The following MOCOS variants were observed in gnomAD, a reference collection of about 807,000 sequenced individuals.
MOCOS encodes human molybdenum cofactor sulfurase.
MOCOS carries 86 observed loss-of-function variants against 83.6 expected under a neutral mutation model. The observed-to-expected ratio is 1.03, with a 90% CI of 0.86 to 1.23. The LOEUF (loss-of-function observed/expected upper bound fraction) is 1.23. Among genes scored for constraint, MOCOS ranks in the 50% most tolerant of loss-of-function variants. The probability of loss-of-function intolerance (pLI) is 0.00; values close to 1 mark genes in which losing one functional copy is unlikely to be tolerated. For missense variants in MOCOS, 1,120 were observed against 1,126.9 expected (o/e 0.99, Z 0.09); for synonymous variants, 445 against 434.7 (o/e 1.02, Z -0.29).
intron 1 of MOCOS, among the ~76,000 whole-genome samples, chr18:36,189,480 T>A (rs969661527): frequency 6.6e-6 from 1 of 152,086 alleles, no homozygotes; most frequent in African/African-American, 2.4e-5. Context: ...CAAAATAACA[T>A]CACCTCTTCC....
chr18:36,263,447 A>G (rs1037051856), intron 13 of MOCOS, among the ~76,000 whole-genome samples: 13 of 152,248 alleles, frequency 8.5e-5, no homozygotes, highest in African/African-American at 2.9e-4. Flanking sequence ...TGCAAAATGC[A>G]AGGATGAGGT....
intron 1 of MOCOS, among the ~76,000 whole-genome samples, chr18:36,190,555 C>G (rs1329421205): frequency 1.3e-5 from 2 of 151,920 alleles, no homozygotes; most frequent in Non-Finnish European, 2.9e-5. Context: ...TCAAGACCAG[C>G]CTGGGCAACA....
At chr18:36,202,291 T>C (rs1196609309) in intron 4 of MOCOS, among the ~76,000 whole-genome samples, 1 of 46,018 alleles carries the variant, frequency 2.2e-5, no homozygotes, top group East Asian at 6.3e-4. Flanking sequence ...ATTTGATCAA[T>C]AAATAATTGT....
At chr18:36,263,759 A>G (rs1231047275) in intron 13 of MOCOS, among the ~76,000 whole-genome samples, 1 of 152,152 alleles carries the variant, frequency 6.6e-6, no homozygotes, top group Non-Finnish European at 1.5e-5. Context: ...AAGCTTCTGT[A>G]TTGTTTGACT....
intron 9 of MOCOS, among the ~76,000 whole-genome samples, chr18:36,233,806 C>T (rs1291965771): frequency 6.6e-6 from 1 of 152,140 alleles, no homozygotes; most frequent in Non-Finnish European, 1.5e-5. Context: ...AGCATTTTCT[C>T]ATGTTTGTTG....
intron 11 of MOCOS, among the ~76,000 whole-genome samples, chr18:36,252,148 A>G (rs2091624447): frequency 6.6e-6 from 1 of 152,170 alleles, no homozygotes; most frequent in Non-Finnish European, 1.5e-5. Context: ...GGCTAGATGA[A>G]TGAATGAATG....
intron 6 of MOCOS, among the ~76,000 whole-genome samples, chr18:36,211,470 A>G (rs2091455212): frequency 6.6e-6 from 1 of 152,102 alleles, no homozygotes; most frequent in Non-Finnish European, 1.5e-5. Context: ...CACAATATAT[A>G]CATCCCTTAG....
intron 9 of MOCOS, among the ~76,000 whole-genome samples, chr18:36,225,392 T>C (rs2091511639): frequency 6.6e-6 from 1 of 152,144 alleles, no homozygotes; most frequent in Non-Finnish European, 1.5e-5. Context: ...CCTCGTGATC[T>C]GCCTGCCTTG....
chr18:36,211,811 T>C (rs1598876274), intron 6 of MOCOS, among the ~76,000 whole-genome samples: 1 of 151,334 alleles, frequency 6.6e-6, no homozygotes, highest in Admixed American at 6.6e-5. Context: ...CTGTGGGTCT[T>C]CCCCTAGAAT....
Position 36,215,502 on chromosome 18 carries a change from C to G in MOCOS, c.1336-14C>G. Reference sequence around the variant, plus strand: ...AGGGGTCACTCTGGCTGATGCACTTCCCTCTTATCCTAGGCTGGTCATGTC... The same window carrying G: ...AGGGGTCACTCTGGCTGATGCACTTGCCTCTTATCCTAGGCTGGTCATGTC... On this transcript the variant is annotated splice_polypyrimidine_tract_variant and intron_variant, in intron 7 of 14. Transcript: ENST00000261326. The G allele has an allele frequency of 6.2e-7, 1 of 1,611,950 alleles. No homozygotes were observed. Among genetic ancestry groups the G allele is most frequent in the Non-Finnish European group, 8.5e-7 (1 of 1,178,842 alleles).
At chr18:36,196,134 A>T (rs2091386606) in intron 2 of MOCOS, among the ~76,000 whole-genome samples, 1 of 152,230 alleles carries the variant, frequency 6.6e-6, no homozygotes, top group African/African-American at 2.4e-5. Flanking sequence ...AGGGCATTGT[A>T]GATGCTTGAT....
At position 36,248,950 on chromosome 18, in the gene MOCOS, G is replaced by A. The variant is rs1344012065; in HGVS notation, c.1989G>A (p.Glu663=). 1 of 1,614,138 alleles carries A rather than the reference G, an allele frequency of 6.2e-7. No homozygotes were observed. The highest frequency in any genetic ancestry group is 8.5e-7 in the Non-Finnish European group (1 of 1,180,016). Reference sequence around the variant, plus strand: ...TGGAGCCTATAGAGGTGCCTCTTGAGGAAAATAGTGAACGGACTCAGATTC... The same window carrying A: ...TGGAGCCTATAGAGGTGCCTCTTGAAGAAAATAGTGAACGGACTCAGATTC... ...KGMEPIEVPL[E]ENSERTQIRQ... Residue 663 remains glutamate, a synonymous_variant, in exon 10 of 15, where the codon GAG becomes GAA. Transcript: ENST00000261326.
At chr18:36,222,920 GGT>G (rs2091502082) in intron 9 of MOCOS, among the ~76,000 whole-genome samples, 1 of 152,104 alleles carries the variant, frequency 6.6e-6, no homozygotes, top group African/African-American at 2.4e-5. Flanking sequence ...TTTTAAATTA[GGT>G]TATTTGGTTT....
chr18:36,258,538 C>G (rs1598594870), intron 12 of MOCOS, among the ~76,000 whole-genome samples: 2 of 152,050 alleles, frequency 1.3e-5, no homozygotes, highest in African/African-American at 2.4e-5. Flanking sequence ...TCAGGTATCC[C>G]GGTCTCTGGC....
chr18:36,255,948 A>G (rs1339771268), intron 11 of MOCOS, among the ~76,000 whole-genome samples: 1 of 148,630 alleles, frequency 6.7e-6, no homozygotes, highest in Non-Finnish European at 1.5e-5. Flanking sequence ...ACTGGAGTGC[A>G]ATAGTGTGAT....
intron 1 of MOCOS, among the ~76,000 whole-genome samples, chr18:36,191,807 GT>G (rs2091367581): frequency 1.3e-5 from 2 of 152,188 alleles, no homozygotes; most frequent in African/African-American, 4.8e-5. Context: ...CATAGTTTGT[GT>G]TTAAGGTCTT....
At chr18:36,217,630 AC>A (rs975030369) in intron 8 of MOCOS, among the ~76,000 whole-genome samples, 8 of 152,024 alleles carry the variant, frequency 5.3e-5, no homozygotes, top group African/African-American at 1.9e-4. Context: ...CCTGTGGACA[AC>A]CGCTCCTGCA....
intron 9 of MOCOS, among the ~76,000 whole-genome samples, chr18:36,226,728 T>C (rs2091517356): frequency 7.0e-6 from 1 of 141,924 alleles, no homozygotes; most frequent in Non-Finnish European, 1.5e-5. Context: ...TTTTTTTTGG[T>C]GTGTAGTTAT....
At chr18:36,237,412 C>G (rs1253469711) in intron 9 of MOCOS, among the ~76,000 whole-genome samples, 1 of 152,166 alleles carries the variant, frequency 6.6e-6, no homozygotes, top group Non-Finnish European at 1.5e-5. Flanking sequence ...GTCTGTGGCT[C>G]TGTTTATATG....
Sources: allele counts gnomAD v4.1 joint callset (sites outside exome capture counted in the v4.1 genomes callset), GRCh38; gene constraint gnomAD v4.1.1; transcripts MANE v1.5; gene names NCBI Gene and HGNC (gene_info 2026-07-23, HGNC 2026-07-21).